Variants in LAMB1 observed in about 807,000 individuals in gnomAD.
LAMB1 encodes laminin subunit beta 1.
A neutral mutation model predicts 222.3 loss-of-function variants in LAMB1; 121 were observed. That is an observed-to-expected ratio of 0.54 (90% CI 0.47 to 0.63). The LOEUF is 0.63. LAMB1 is among the 30% of genes least tolerant of loss of function. The pLI, the probability that LAMB1 is intolerant of heterozygous loss-of-function variation, is 0.00. For missense variants in LAMB1, 2,172 were observed against 2,240.8 expected (o/e 0.97, Z 0.62); for synonymous variants, 794 against 807.2 (o/e 0.98, Z 0.28).
intron 5 of LAMB1, 88 bp downstream of exon 5, chr7:107,994,799 G>C (rs760242871): frequency 1.1e-5 from 8 of 702,102 alleles, no homozygotes; most frequent in Non-Finnish European, 1.7e-5. Context: ...TTCCCATTTA[G>C]GTCAACTCAC....
intron 27 of LAMB1, among the ~76,000 whole-genome samples, chr7:107,933,609 A>C (rs886771478): frequency 1.3e-5 from 2 of 152,150 alleles, no homozygotes; most frequent in Non-Finnish European, 2.9e-5. Flanking sequence ...CATGGAAAAA[A>C]AAAAACACAG....
chr7:107,959,328 C>T lies in LAMB1; in HGVS notation c.2611G>A (p.Gly871Ser). 6.2e-7 allele frequency: 1 copy of T among 1,614,244 alleles called. No homozygotes were observed. Among genetic ancestry groups the T allele is most frequent in the Non-Finnish European group, 8.5e-7 (1 of 1,180,050 alleles). The change falls in exon 20 of 34, where the codon GGC (glycine) becomes AGC (serine). Residue 871 changes from glycine to serine, a missense_variant. Gly to Ser is a moderately conservative substitution (Grantham distance 56). Transcript: ENST00000222399. ...FPSCQPCQCN[G>S]HADDCDPVTG... ...ACTGGGTCGCAGTCATCGGCGTGGC[C>T]ATTGCACTGGCAGGGCTGGCAACTT...
chr7:107,986,205 A>G lies in LAMB1; in HGVS notation c.582T>C (p.Tyr194=). The change falls in exon 6 of 34, where the codon TAT becomes TAC. Residue 194 remains tyrosine (Y), a synonymous_variant. Coordinates refer to ENST00000222399, the MANE Select transcript of LAMB1 (RefSeq NM_002291.3). The part of the protein sequence containing the change: ...KVDDIICDSR[Y]SDIEPSTEGE... ...CTTCAGTTGAGGGTTCAATGTCAGA[A>G]TATCGAGAATCACAAATTATGTCAT... 6.2e-7 allele frequency: 1 copy of G among 1,614,198 alleles called. No homozygotes were observed. Among genetic ancestry groups the G allele is most frequent in the Non-Finnish European group, 8.5e-7 (1 of 1,180,032 alleles).
At chr7:107,977,758 CA>C (rs547987632) in intron 9 of LAMB1, among the ~76,000 whole-genome samples, 2 of 150,642 alleles carry the variant, frequency 1.3e-5, no homozygotes, top group East Asian at 3.9e-4. Context: ...GCCTAGGCGA[CA>C]AAAAAAAACC....
At chr7:107,980,042 T>C (rs2033942405) in intron 8 of LAMB1, among the ~76,000 whole-genome samples, 3 of 152,088 alleles carry the variant, frequency 2.0e-5, no homozygotes, top group African/African-American at 7.2e-5. Flanking sequence ...ACCCCACCTC[T>C]ACTAAAAACA....
At position 107,924,357 on chromosome 7, in the gene LAMB1, T is replaced by C; in HGVS notation, c.5097A>G (p.Lys1699=). The C allele has an allele frequency of 6.2e-7, 1 of 1,611,004 alleles. No individual in the cohort carries two copies. Among genetic ancestry groups the C allele is most frequent in the Non-Finnish European group, 8.5e-7 (1 of 1,178,488 alleles). ...TLDGELDEKY[K]KVENLIAKKT... Reference sequence around the variant, plus strand: ...TTTTGGCAATTAAATTTTCTACTTTTTTATACTTTTCATCAAGTTCACCAT... The same window carrying C: ...TTTTGGCAATTAAATTTTCTACTTTCTTATACTTTTCATCAAGTTCACCAT... The change falls in exon 33 of 34, where the codon AAA becomes AAG. Residue 1699 remains lysine, a synonymous_variant. Transcript: ENST00000222399.
At chr7:107,932,772 CAGCACCATGTTAACT>C (rs1192051523) in intron 27 of LAMB1, 1 of 245,016 alleles carries the variant, frequency 4.1e-6, no homozygotes, top group African/African-American at 2.2e-5. Context: ...GGACCAGCAC[CAGCACCATGTTAACT>C]CCTCCAGTAA....
At chr7:107,964,773 A>G (rs2033594126) in intron 13 of LAMB1, 86 bp from the exon 14 acceptor site, 3 of 1,452,748 alleles carry the variant, frequency 2.1e-6, no homozygotes, top group African/African-American at 1.4e-5. Flanking sequence ...GCCATTACTC[A>G]GTACACAGGA....
At chr7:107,932,470 T>TGTAG (rs1420083355) in intron 27 of LAMB1, 93 bp from the exon 28 acceptor site, 2 of 1,227,548 alleles carry the variant, frequency 1.6e-6, no homozygotes, top group African/African-American at 3.0e-5. Flanking sequence ...CCAGAGAATG[T>TGTAG]GTAGGTGGTC....
chr7:107,935,265 A>G, intron 27 of LAMB1, 150 bp downstream of exon 27: 1 of 1,190,564 alleles, frequency 8.4e-7, no homozygotes, highest in Non-Finnish European at 1.2e-6. Flanking sequence ...CAGGATCCAG[A>G]GACCTCAGCC....
At position 108,001,641 on chromosome 7, in the gene LAMB1, T is replaced by A. The variant is rs745784200; in HGVS notation, c.130A>T (p.Ile44Phe). The change falls in exon 3 of 34, where the codon ATC becomes TTC. Residue 44 changes from isoleucine (I) to phenylalanine (F), a missense_variant. Coordinates refer to ENST00000222399, the MANE Select transcript of LAMB1 (RefSeq NM_002291.3). ...ACCGAAAGCTTCTGTGCTCGGCCGA[T>A]GAGAAGGTCGCCCGTGGCGGGATAG... is the stretch of plus-strand genomic sequence containing the variant. The part of the protein sequence containing the change: ...SCYPATGDLL[I>F]GRAQKLSVTS... 3 of 1,613,094 alleles carry A rather than the reference T, an allele frequency of 1.9e-6. No individual in the cohort carries two copies.
At chr7:107,983,971 C>A (rs1436728347) in intron 7 of LAMB1, among the ~76,000 whole-genome samples, 1 of 152,176 alleles carries the variant, frequency 6.6e-6, no homozygotes, top group African/African-American at 2.4e-5. Flanking sequence ...TATCACTTTA[C>A]GTAATAACAT....
intron 8 of LAMB1, among the ~76,000 whole-genome samples, chr7:107,978,887 T>C (rs537896000): frequency 1.3e-5 from 2 of 152,334 alleles, no homozygotes; most frequent in Non-Finnish European, 2.9e-5. Context: ...AATTACGGCC[T>C]TTTGGTCCAC....
At chr7:107,944,846 C>T (rs1191210949) in intron 24 of LAMB1, among the ~76,000 whole-genome samples, 3 of 152,264 alleles carry the variant, frequency 2.0e-5, no homozygotes, top group South Asian at 4.1e-4. Flanking sequence ...TCTCACACAC[C>T]CACCAGGATC....
rs543885190 is a variant in LAMB1 at position 107,939,925 on chromosome 7, T to G, written c.3761+64A>C. On this transcript the variant is annotated intron_variant, in intron 25 of 33. Coordinates refer to ENST00000222399, the MANE Select transcript of LAMB1 (RefSeq NM_002291.3). ...TGGAAGCACCATGCCAGGAAATCTT[T>G]GCTGTTAACTCACAATATTTTTTCA... is the stretch of plus-strand genomic sequence containing the variant. 3.4e-5 allele frequency: 52 copies of G among 1,537,076 alleles called. No homozygotes were observed. In the East Asian group the frequency reaches 9.9e-4, roughly 29 times the overall value.
intron 24 of LAMB1, among the ~76,000 whole-genome samples, chr7:107,950,923 GGTGTGTGTGTGTGTGTGTGT>G (rs57060477): frequency 5.4e-5 from 8 of 147,856 alleles, no homozygotes; most frequent in Non-Finnish European, 4.5e-5. Context: ...GTGTATTTGT[GGTGTGTGTGTGTGTGTGTGT>G]GTGTGTGTGT....
chr7:107,971,379 T>A (rs1056718808), intron 13 of LAMB1, among the ~76,000 whole-genome samples: 2 of 152,218 alleles, frequency 1.3e-5, no homozygotes, highest in Admixed American at 1.3e-4. Flanking sequence ...TGATGAGTGA[T>A]TGCAACAAAC....
At chr7:107,948,266 C>T (rs1161302613) in intron 24 of LAMB1, among the ~76,000 whole-genome samples, 1 of 152,122 alleles carries the variant, frequency 6.6e-6, no homozygotes, top group African/African-American at 2.4e-5. Context: ...GGATTACAGG[C>T]GTGAACCACC....
intron 24 of LAMB1, among the ~76,000 whole-genome samples, chr7:107,945,826 C>T (rs1427371697): frequency 3.3e-5 from 5 of 152,304 alleles, no homozygotes; most frequent in African/African-American, 4.8e-5. Context: ...TGTAGATGGC[C>T]ACTAGAGCTA....
Sources: gnomAD v4.1 joint callset for allele counts (sites outside exome capture counted in the v4.1 genomes callset) on GRCh38, gnomAD v4.1.1 for gene constraint, MANE v1.5 for transcripts, NCBI Gene and HGNC (gene_info 2026-07-23, HGNC 2026-07-21) for gene names.